The following BCCIP variants were observed in gnomAD, a reference collection of about 807,000 sequenced individuals.
BCCIP encodes the protein BRCA2 and CDKN1A interacting protein, also known as BRCA2 and CDKN1A-interacting protein.
BCCIP carries 23 observed loss-of-function variants against 32.8 expected under a neutral mutation model. The observed-to-expected ratio is 0.70, with a 90% CI of 0.51 to 0.99. The LOEUF (loss-of-function observed/expected upper bound fraction) is 0.99, where lower values mean the gene tolerates loss of function less well. Among genes scored for constraint, BCCIP ranks in the 50% least tolerant of loss-of-function variants. The pLI is 0.00. For synonymous variants in BCCIP, 144 were observed against 137.6 expected, an observed-to-expected ratio of 1.05 and a Z score of -0.33; for missense variants, 378 against 379.8, an observed-to-expected ratio of 1.00 and a Z score of 0.04.
chr10:125,823,997 G>A (rs968040695), intron 1 of BCCIP, among the ~76,000 whole-genome samples: 3 of 152,096 alleles, frequency 2.0e-5, no homozygotes, highest in African/African-American at 7.2e-5. Flanking sequence ...GTCCTCTTTA[G>A]TTCTCAGGCT....
chr10:125,838,432 G>A, downstream of BCCIP: 3 of 1,477,164 alleles, frequency 2.0e-6, no homozygotes, highest in Non-Finnish European at 2.7e-6. Flanking sequence ...TATTAATATG[G>A]AGATCATTAT....
chr10:125,834,606 C>G lies in BCCIP; in HGVS notation c.774+660C>G, dbSNP rs956658788. ...TCACCTGAGGCCAGAAATTCAAGAC[C>G]AGCCTGGCCAACAGGGAGAAACCCC... On this transcript the variant is annotated intron_variant, in intron 6 of 6. Transcript: ENST00000278100. Among the ~76,000 whole-genome samples the G allele has an allele frequency of 4.0e-5, 6 of 151,448 alleles. No individual in the cohort carries two copies. The South Asian group carries it at 1.1e-3, about 27-fold the overall frequency.
downstream of BCCIP, chr10:125,841,301 G>T: frequency 6.2e-7 from 1 of 1,614,114 alleles, no homozygotes; most frequent in Non-Finnish European, 8.5e-7. Context: ...ACAAGAAGAG[G>T]ATTGGAACCA....
chr10:125,826,530 G>C (rs1272710178), intron 1 of BCCIP, 61 bp from the exon 2 acceptor site: 1 of 1,601,506 alleles, frequency 6.2e-7, no homozygotes, highest in East Asian at 2.2e-5. Context: ...ATGTTTGCCT[G>C]TTTTAAAGTC....
At chr10:125,841,298 G>C, downstream of BCCIP, 1 of 1,614,172 alleles carries the variant, frequency 6.2e-7, no homozygotes. Flanking sequence ...GACACAAGAA[G>C]AGGATTGGAA....
chr10:125,838,120 C>T, downstream of BCCIP: 1 of 1,329,370 alleles, frequency 7.5e-7, no homozygotes, highest in Non-Finnish European at 1.0e-6. Flanking sequence ...AACTTTAGAA[C>T]TAAGAATAAA....
At chr10:125,851,330 C>G (rs1944086704) in intron 7 of BCCIP, among the ~76,000 whole-genome samples, 2 of 152,180 alleles carry the variant, frequency 1.3e-5, no homozygotes, top group Non-Finnish European at 2.9e-5. Flanking sequence ...TACCCTAACC[C>G]TTTTGTCCCC....
At chr10:125,824,975 C>T (rs1854340271) in intron 1 of BCCIP, among the ~76,000 whole-genome samples, 1 of 152,262 alleles carries the variant, frequency 6.6e-6, no homozygotes, top group Non-Finnish European at 1.5e-5. Flanking sequence ...TTAGAGGTGA[C>T]ACCATGGTGT....
chr10:125,836,646 C>T, downstream of BCCIP: 1 of 1,596,144 alleles, frequency 6.3e-7, no homozygotes, highest in East Asian at 2.2e-5. Context: ...AGCCATCCAG[C>T]TACCTTTGGG....
At chr10:125,832,630 C>T (rs1168571263) in intron 5 of BCCIP, among the ~76,000 whole-genome samples, 1 of 151,776 alleles carries the variant, frequency 6.6e-6, no homozygotes. Flanking sequence ...TCTCCTAGTC[C>T]TGTTAAAGCT....
downstream of BCCIP, chr10:125,838,849 G>T: frequency 1.1e-6 from 1 of 903,428 alleles, no homozygotes; most frequent in Non-Finnish European, 1.7e-6. Context: ...CCCTTGAGGG[G>T]AAGGATACTT....
At chr10:125,830,485 C>T (rs1215681756) in intron 3 of BCCIP, 77 bp from the exon 4 acceptor site, 1 of 907,464 alleles carries the variant, frequency 1.1e-6, no homozygotes, top group Non-Finnish European at 1.6e-6. Context: ...TAAATGAGGC[C>T]TACATCCCAA....
At chr10:125,838,912 A>C (rs1470289215), downstream of BCCIP, 3 of 1,365,234 alleles carry the variant, frequency 2.2e-6, no homozygotes, top group East Asian at 7.0e-5. Context: ...TTAATGTCAA[A>C]ATCATCATCC....
In BCCIP at chr10:125,823,589, A is replaced by G. The variant is rs1010143629; in HGVS notation, c.32A>G (p.Glu11Gly). 2.5e-5 allele frequency: 41 copies of G among 1,613,914 alleles called. No individual in the cohort carries two copies. Among genetic ancestry groups the G allele is most frequent in the Middle Eastern group, 1.6e-4 (1 of 6,070 alleles). MASRSKRRAV[E>G]SGVPQPPDPP... ...TCCAGGTCTAAGCGGCGTGCCGTGG[A>G]AAGTGGGGTTCCGCAGCCGCCGGAT... Residue 11 changes from glutamate to glycine, a missense_variant, in exon 1 of 7, where the codon GAA becomes GGA. Physicochemically the swap from Glu to Gly is moderately conservative, Grantham distance 98. Coordinates refer to ENST00000278100, the MANE Select transcript of BCCIP (RefSeq NM_078468.3).
At chr10:125,839,047 T>A, downstream of BCCIP, 1 of 1,614,144 alleles carries the variant, frequency 6.2e-7, no homozygotes, top group South Asian at 1.1e-5. Flanking sequence ...GTTTAGAGTG[T>A]TTTCCTTGGA....
Position 125,833,940 on chromosome 10 carries a change from CTA to C in BCCIP, c.770_771del (p.Tyr257Ter). 1.2e-6 allele frequency: 2 copies of C among 1,614,088 alleles called. No individual in the cohort carries two copies. Among genetic ancestry groups the C allele is most frequent in the South Asian group, 1.1e-5 (1 of 91,088 alleles). On this transcript the variant is annotated frameshift_variant, in exon 6 of 7. Transcript: ENST00000278100. LOFTEE classifies it high-confidence loss of function. ...TTGCAAATGCAGAGGAAGAATTTTT[CTA>C]TGAGGTAAGACTATCCTGCTTATTT... ...MFANAEEEFFYEKAILKFNYS... is the reference protein window; with the variant it reads ...MFANAEEEFFXEKAILKFNYS...
intron 7 of BCCIP, among the ~76,000 whole-genome samples, chr10:125,849,656 G>A (rs1046301180): frequency 6.6e-5 from 10 of 152,200 alleles, no homozygotes; most frequent in African/African-American, 2.2e-4. Context: ...CAGGCACTGC[G>A]GCAGAGCTAT....
rs1854675820 is a variant in BCCIP, at chr10:125,836,123, A to G, written c.794A>G (p.Asn265Ser). ...GTTTAGAAGGCAATTCTCAAGTTCAACTACTCAGTGCAGGAGGAGAGCGAC... is the reference window on the plus strand; with the variant it reads ...GTTTAGAAGGCAATTCTCAAGTTCAGCTACTCAGTGCAGGAGGAGAGCGAC... The part of the protein sequence containing the change: ...FFYEKAILKF[N>S]YSVQEESDTC... Residue 265 changes from asparagine to serine, a missense_variant, in exon 7 of 7, where the codon AAC becomes AGC. Physicochemically the swap from Asn to Ser is conservative, Grantham distance 46. Coordinates refer to ENST00000278100, the MANE Select transcript of BCCIP (RefSeq NM_078468.3). The G allele has an allele frequency of 1.9e-6, 3 of 1,613,162 alleles. No homozygotes were observed. The highest frequency in any genetic ancestry group is 1.6e-4 in the Middle Eastern group (1 of 6,062).
chr10:125,826,723 G>A, intron 2 of BCCIP, 58 bp downstream of exon 2: 1 of 1,595,916 alleles, frequency 6.3e-7, no homozygotes, highest in Non-Finnish European at 8.5e-7. Context: ...TCAGGGGCCG[G>A]GTGCAGTGGT....
Sources: allele counts gnomAD v4.1 joint callset (sites outside exome capture counted in the v4.1 genomes callset), GRCh38; gene constraint gnomAD v4.1.1; transcripts MANE v1.5; gene names NCBI Gene and HGNC (gene_info 2026-07-23, HGNC 2026-07-21).